RSF1: variants seen among roughly 807,000 people sequenced by gnomAD.
The protein encoded by RSF1 is HBV pX-associated protein 8.
RSF1 carries 13 observed loss-of-function variants against 145.2 expected under a neutral mutation model. The observed-to-expected ratio is 0.09, with a 90% confidence interval of 0.06 to 0.14. The LOEUF is 0.14. Among genes scored for constraint, RSF1 ranks in the 10% least tolerant of loss-of-function variants. The pLI is 1.00. For missense variants in RSF1, 1,517 were observed against 1,718.2 expected (o/e 0.88, Z 2.07); for synonymous variants, 577 against 592.6 (o/e 0.97, Z 0.38).
At chr11:77,728,091 AC>A (rs1317512582) in intron 4 of RSF1, among the ~76,000 whole-genome samples, 1 of 151,970 alleles carries the variant, frequency 6.6e-6, no homozygotes. Flanking sequence ...CCCCTCCCTC[AC>A]TTGTTCTCTG....
chr11:77,721,006 C>T (rs1960929150), intron 5 of RSF1, among the ~76,000 whole-genome samples: 1 of 152,104 alleles, frequency 6.6e-6, no homozygotes, highest in African/African-American at 2.4e-5. Context: ...ATACGTTTCT[C>T]CTTAACACCT....
intron 2 of RSF1, among the ~76,000 whole-genome samples, chr11:77,760,838 AGG>A (rs1227175021): frequency 6.6e-6 from 1 of 152,178 alleles, no homozygotes; most frequent in Non-Finnish European, 1.5e-5. Context: ...CTTTACTTTC[AGG>A]GTACATATGA....
chr11:77,766,219 C>A (rs990839098), intron 1 of RSF1, among the ~76,000 whole-genome samples: 1 of 151,998 alleles, frequency 6.6e-6, no homozygotes, highest in Non-Finnish European at 1.5e-5. Flanking sequence ...TTGTGAATAT[C>A]CAAAATAGGT....
At chr11:77,787,549 A>G (rs1245971004) in intron 1 of RSF1, among the ~76,000 whole-genome samples, 2 of 152,174 alleles carry the variant, frequency 1.3e-5, no homozygotes, top group African/African-American at 2.4e-5. Flanking sequence ...TAGAGCCCAC[A>G]AAGCCTAAAA....
At chr11:77,861,819 G>T in the RSF1 span, among the ~76,000 whole-genome samples, 2 of 152,070 alleles carry the variant, frequency 1.3e-5, no homozygotes, top group Non-Finnish European at 2.9e-5. Context: ...GTCCCGTTCT[G>T]CCTGCTCCTC....
chr11:77,778,516 T>A (rs1439624892), intron 1 of RSF1, among the ~76,000 whole-genome samples: 1 of 152,082 alleles, frequency 6.6e-6, no homozygotes, highest in African/African-American at 2.4e-5. Flanking sequence ...CATGATAAAG[T>A]CCCCTCTAAC....
intron 1 of RSF1, among the ~76,000 whole-genome samples, chr11:77,781,401 C>T (rs747746169): frequency 1.3e-5 from 2 of 152,014 alleles, no homozygotes; most frequent in African/African-American, 2.4e-5. Context: ...GCCTGGCCTC[C>T]GTGTTTTGAC....
chr11:77,737,667 T>TGTGTGTGTGTGTGTGTGTGTG (rs1451249491), intron 4 of RSF1, among the ~76,000 whole-genome samples: 2 of 148,170 alleles, frequency 1.3e-5, no homozygotes, highest in South Asian at 2.1e-4. Flanking sequence ...TGTGTGTGTG[T>TGTGTGTGTGTGTGTGTGTGTG]TTAAAAAGAG....
At position 77,673,673 on chromosome 11, in the gene RSF1, A is replaced by C. The variant is rs145068650; in HGVS notation, c.3562+1363T>G. Among the ~76,000 whole-genome samples, 287 of 152,384 alleles carry C rather than the reference A, an allele frequency of 1.9e-3. 1 individual carries two copies. The highest frequency in any genetic ancestry group is 6.6e-3 in the African/African-American group (275 of 41,586). ...ATTATCCACAGGAACTAAAACTAGCAGGTGAAATATAAGGAAAAGGATATT... is the reference window on the plus strand; with the variant it reads ...ATTATCCACAGGAACTAAAACTAGCCGGTGAAATATAAGGAAAAGGATATT... On this transcript the variant is annotated intron_variant, in intron 14 of 15. Coordinates refer to ENST00000308488, the MANE Select transcript of RSF1 (RefSeq NM_016578.4).
At chr11:77,788,142 CAAA>C (rs66595170) in intron 1 of RSF1, among the ~76,000 whole-genome samples, 4 of 3,430 alleles carry the variant, frequency 1.2e-3, no homozygotes, top group Non-Finnish European at 1.9e-3. Flanking sequence ...GACACTATCT[CAAA>C]AAAAAAAAAA....
rs772506778 is a variant in RSF1, at chr11:77,676,835, G to C, written c.3298C>G (p.Leu1100Val). Residue 1100 changes from leucine (L) to valine (V), a missense_variant, in exon 13 of 16, where the codon CTG (leucine) becomes GTG (valine). Coordinates refer to ENST00000308488, the MANE Select transcript of RSF1 (RefSeq NM_016578.4). ...RLNDLDSDSN[L>V]DEEESEDEFK... ...TCATCCTCGCTCTCTTCTTCATCCA[G>C]GTTGCTATCACTGTCCAGATCATTT... is the stretch of plus-strand genomic sequence containing the variant. 3 of 1,613,962 alleles carry C rather than the reference G, an allele frequency of 1.9e-6. No individual in the cohort carries two copies. In the South Asian group the frequency reaches 3.3e-5, roughly 18 times the overall value.
At chr11:77,794,363 T>C (rs1276754377) in intron 1 of RSF1, among the ~76,000 whole-genome samples, 2 of 151,996 alleles carry the variant, frequency 1.3e-5, no homozygotes, top group South Asian at 4.1e-4. Flanking sequence ...GAGAAACAAA[T>C]ACCAAGAGGA....
At chr11:77,825,356 T>G (rs1022254463), upstream of RSF1, among the ~76,000 whole-genome samples, 2 of 152,034 alleles carry the variant, frequency 1.3e-5, no homozygotes, top group Non-Finnish European at 2.9e-5. Flanking sequence ...TAGAGCCAAT[T>G]TGGGGAATTC....
intron 8 of RSF1, 30 bp from the exon 9 acceptor site, chr11:77,691,268 T>A (rs1960143365): frequency 1.3e-6 from 2 of 1,597,518 alleles, no homozygotes; most frequent in East Asian, 4.5e-5. Context: ...AAAAGTCATT[T>A]TAAACAACTT....
chr11:77,711,122 G>A (rs1590844335), intron 5 of RSF1, among the ~76,000 whole-genome samples: 1 of 134,972 alleles, frequency 7.4e-6, no homozygotes, highest in Non-Finnish European at 1.5e-5. Context: ...CACCCCCCCT[G>A]ACCCCCACAC....
At chr11:77,774,771 T>C (rs1373611960) in intron 1 of RSF1, among the ~76,000 whole-genome samples, 1 of 139,150 alleles carries the variant, frequency 7.2e-6, no homozygotes, top group Non-Finnish European at 1.5e-5. Context: ...TTTCTTTTTT[T>C]TCTTTTTTTT....
At chr11:77,770,355 G>A (rs773829831) in intron 1 of RSF1, among the ~76,000 whole-genome samples, 7 of 152,092 alleles carry the variant, frequency 4.6e-5, no homozygotes, top group East Asian at 3.9e-4. Flanking sequence ...CCAGCTACTC[G>A]GGAGGCTGAG....
At chr11:77,727,053 A>G (rs1961072022) in intron 4 of RSF1, among the ~76,000 whole-genome samples, 1 of 152,262 alleles carries the variant, frequency 6.6e-6, no homozygotes, top group African/African-American at 2.4e-5. Flanking sequence ...ATGTTCATAC[A>G]TATCATATGA....
chr11:77,738,211 T>C (rs1450777370), intron 4 of RSF1, among the ~76,000 whole-genome samples: 1 of 152,218 alleles, frequency 6.6e-6, no homozygotes, highest in Non-Finnish European at 1.5e-5. Flanking sequence ...TGTATTACAG[T>C]GTCAGTACCA....
Sources: allele counts gnomAD v4.1 joint callset (sites outside exome capture counted in the v4.1 genomes callset), GRCh38; gene constraint gnomAD v4.1.1; transcripts MANE v1.5; gene names NCBI Gene and HGNC (gene_info 2026-07-23, HGNC 2026-07-21).